The following RGS7BP variants were observed in gnomAD, a reference collection of about 807,000 sequenced individuals.
RGS7BP encodes the protein regulator of G protein signaling 7 binding protein, also known as regulator of G protein signaling 7-binding protein.
Under a neutral mutation model 31.3 loss-of-function variants are expected in RGS7BP, and 9 were observed. The ratio of observed to expected loss-of-function variants is 0.29; its 90% CI spans 0.17 to 0.50. The LOEUF (loss-of-function observed/expected upper bound fraction) is 0.50. Ranked by LOEUF, RGS7BP falls within the 20% of genes least tolerant of loss-of-function variation. The pLI, the probability that RGS7BP is intolerant of heterozygous loss-of-function variation, is 0.98. For synonymous variants in RGS7BP, 115 were observed against 120.1 expected, an observed-to-expected ratio of 0.96 and a Z score of 0.28; for missense variants, 274 against 322.0, an observed-to-expected ratio of 0.85 and a Z score of 1.14.
In RGS7BP at chr5:64,609,564, T is replaced by C. The variant is rs879605941; in HGVS notation, c.*312T>C. On this transcript the variant is annotated 3_prime_UTR_variant, in exon 6 of 6. Coordinates refer to ENST00000334025, the MANE Select transcript of RGS7BP (RefSeq NM_001029875.3). ...TATGATTTTTAAATTATTTAAAGGT[T>C]TTTTAAATGTATTATACAGAGGAAA... is the stretch of plus-strand genomic sequence containing the variant. 1.4e-5 allele frequency: 4 copies of C among 285,116 alleles called. No homozygotes were observed. Among genetic ancestry groups the C allele is most frequent in the African/African-American group, 2.1e-5 (1 of 46,944 alleles). 17.7% of individuals were successfully genotyped at this position (285,116 alleles called of 1,614,324 possible).
intron 3 of RGS7BP, among the ~76,000 whole-genome samples, chr5:64,578,685 G>A (rs750082844): frequency 9.2e-5 from 14 of 152,110 alleles, no homozygotes; most frequent in African/African-American, 1.9e-4. Context: ...GGCTTTATGC[G>A]TTCTTTCTCC....
At chr5:64,580,076 G>T (rs143121821) in intron 3 of RGS7BP, among the ~76,000 whole-genome samples, 1 of 152,302 alleles carries the variant, frequency 6.6e-6, no homozygotes, top group African/African-American at 2.4e-5. Context: ...AAAAGAATAA[G>T]AATACTTGGT....
At chr5:64,507,681 T>TTA in intron 1 of RGS7BP, 30 bp from the exon 2 acceptor site, 1 of 1,296,194 alleles carries the variant, frequency 7.7e-7, no homozygotes, top group South Asian at 1.5e-5. Flanking sequence ...AAATGTTTGG[T>TTA]AAAAAAAAAA....
intron 3 of RGS7BP, among the ~76,000 whole-genome samples, chr5:64,581,426 T>A (rs1742594315): frequency 6.6e-6 from 1 of 152,176 alleles, no homozygotes; most frequent in Non-Finnish European, 1.5e-5. Flanking sequence ...AACTGTTTCA[T>A]TTATCTATAC....
At chr5:64,607,927 A>C (rs1374936087) in intron 5 of RGS7BP, among the ~76,000 whole-genome samples, 1 of 152,032 alleles carries the variant, frequency 6.6e-6, no homozygotes, top group Non-Finnish European at 1.5e-5. Context: ...ATCAGGAAAA[A>C]CAAGCCCTCT....
At chr5:64,552,456 AT>A (rs200213355) in intron 2 of RGS7BP, among the ~76,000 whole-genome samples, 8,687 of 152,218 alleles carry the variant, frequency 0.057, 630 homozygotes, top group African/African-American at 0.17. Context: ...ATTTGAGGGA[AT>A]ACTCTTTTCT....
chr5:64,506,911 T>G lies in RGS7BP; in HGVS notation c.165+122T>G. ...CCCACCCTCAGCTCCTCAATGCCGA[T>G]CACGTGGCACATGCACTATTTTTAA... On this transcript the variant is annotated intron_variant, in intron 1 of 5. Transcript: ENST00000334025. This position sits in a 1 kb window ranked among gnomAD's most constrained non-coding sequence, Gnocchi z 4.6. 1 of 899,658 alleles carries G rather than the reference T, an allele frequency of 1.1e-6. No homozygotes were observed. 55.7% of individuals were successfully genotyped at this position (899,658 alleles called of 1,614,324 possible).
rs1561316174 is a variant in RGS7BP, at chr5:64,506,806, C to CT, written c.165+17_165+18insT. ...TGCAAGATGGTGGGTGAAAACTGCG[C>CT]CTCTTTTTTTTTTTTTTTAATTGAG... On this transcript the variant is annotated intron_variant, in intron 1 of 5. Coordinates refer to ENST00000334025, the MANE Select transcript of RGS7BP (RefSeq NM_001029875.3). This position sits in a 1 kb window ranked among gnomAD's most constrained non-coding sequence, Gnocchi z 4.6. 2 of 1,479,750 alleles carry CT rather than the reference C, an allele frequency of 1.4e-6. No individual in the cohort carries two copies. The highest frequency in any genetic ancestry group is 1.3e-5 in the South Asian group (1 of 77,258). 91.7% of individuals were successfully genotyped at this position (1,479,750 alleles called of 1,614,324 possible).
intron 4 of RGS7BP, among the ~76,000 whole-genome samples, chr5:64,596,388 A>T (rs772225852): frequency 6.6e-6 from 1 of 152,154 alleles, no homozygotes; most frequent in Non-Finnish European, 1.5e-5. Flanking sequence ...TAAAATACTG[A>T]TGGCTGGGCC....
intron 2 of RGS7BP, among the ~76,000 whole-genome samples, chr5:64,522,500 C>T (rs1749131474): frequency 6.6e-6 from 1 of 152,206 alleles, no homozygotes; most frequent in South Asian, 2.1e-4. Flanking sequence ...TGTCTTTCCA[C>T]CATAAGTCAC....
chr5:64,573,000 G>A (rs936782246), intron 2 of RGS7BP, among the ~76,000 whole-genome samples: 1 of 117,668 alleles, frequency 8.5e-6, no homozygotes, highest in African/African-American at 3.4e-5. Context: ...CCCAGAGTGT[G>A]ATGTTCCCCT....
At chr5:64,608,042 G>T (rs532559325) in intron 5 of RGS7BP, among the ~76,000 whole-genome samples, 7 of 152,124 alleles carry the variant, frequency 4.6e-5, no homozygotes, top group South Asian at 2.1e-4. Context: ...CCCCTTTAAG[G>T]TTAGGACAGG....
At chr5:64,558,426 T>A (rs1741975068) in intron 2 of RGS7BP, among the ~76,000 whole-genome samples, 1 of 150,350 alleles carries the variant, frequency 6.7e-6, no homozygotes, top group South Asian at 2.1e-4. Flanking sequence ...TTCATTGACA[T>A]CTTATCATTT....
chr5:64,564,993 A>C (rs1393312446), intron 2 of RGS7BP, among the ~76,000 whole-genome samples: 1 of 152,144 alleles, frequency 6.6e-6, no homozygotes, highest in Non-Finnish European at 1.5e-5. Flanking sequence ...TGCAAGCCAA[A>C]TGAAACAAGT....
chr5:64,569,072 C>T (rs938615215), intron 2 of RGS7BP, among the ~76,000 whole-genome samples: 1 of 152,162 alleles, frequency 6.6e-6, no homozygotes, highest in Non-Finnish European at 1.5e-5. Context: ...TTCCATTGCA[C>T]TTCAGGTTCC....
rs201339486 is a variant in RGS7BP at position 64,531,415 on chromosome 5, G to GA, written c.332+23547dup. 9.2e-3 allele frequency among the ~76,000 whole-genome samples: 1,397 copies of GA among 151,428 alleles called. 24 individuals carry two copies. Among genetic ancestry groups the GA allele is most frequent in the African/African-American group, 0.032 (1,303 of 41,304 alleles). On this transcript the variant is annotated intron_variant, in intron 2 of 5. Coordinates refer to ENST00000334025, the MANE Select transcript of RGS7BP (RefSeq NM_001029875.3). ...GAGACTCAATCAATCTGCACACTGAGAAAAAAAAATACAAAACTTGCACCT... is the reference window on the plus strand; with the variant it reads ...GAGACTCAATCAATCTGCACACTGAGAAAAAAAAAATACAAAACTTGCACCT...
At chr5:64,598,530 A>G in intron 5 of RGS7BP, 95 bp downstream of exon 5, 1 of 815,326 alleles carries the variant, frequency 1.2e-6, no homozygotes. Context: ...GTCTCACACA[A>G]ACAGTAGAAG....
chr5:64,602,974 A>T (rs1743259250), intron 5 of RGS7BP, among the ~76,000 whole-genome samples: 1 of 152,170 alleles, frequency 6.6e-6, no homozygotes, highest in Non-Finnish European at 1.5e-5. Flanking sequence ...GCATATGGGG[A>T]GATGAAATAG....
At chr5:64,547,644 T>C (rs947343314) in intron 2 of RGS7BP, among the ~76,000 whole-genome samples, 2 of 152,184 alleles carry the variant, frequency 1.3e-5, no homozygotes, top group Non-Finnish European at 2.9e-5. Context: ...AACATAATGA[T>C]CAGAAAAATT....
Sources: allele counts gnomAD v4.1 joint callset (sites outside exome capture counted in the v4.1 genomes callset), GRCh38; gene constraint gnomAD v4.1.1; non-coding constraint Gnocchi (gnomAD v3.1); transcripts MANE v1.5; gene names NCBI Gene and HGNC (gene_info 2026-07-23, HGNC 2026-07-21).